The following ABLIM1 variants were observed in gnomAD, a reference collection of about 807,000 sequenced individuals.
ABLIM1 encodes the protein actin binding LIM protein 1, also known as actin-binding LIM protein 1.
ABLIM1 carries 40 observed loss-of-function variants against 107.0 expected under a neutral mutation model. That is an observed-to-expected ratio of 0.37 (90% CI 0.29 to 0.49). ABLIM1 has a LOEUF of 0.49. Among genes scored for constraint, ABLIM1 ranks in the 20% least tolerant of loss-of-function variants. ABLIM1 has a pLI of 0.97. For synonymous variants in ABLIM1, 357 were observed against 357.3 expected (o/e 1.00, Z 0.01); for missense variants, 857 against 1,008.5 (o/e 0.85, Z 2.04).
intron 2 of ABLIM1, among the ~76,000 whole-genome samples, chr10:114,599,718 C>T (rs1158515985): frequency 5.9e-5 from 9 of 151,906 alleles, no homozygotes; most frequent in African/African-American, 1.7e-4. Flanking sequence ...ACCTAGGAGG[C>T]GGAGGTTGCA....
chr10:114,642,354 A>T (rs1382834968), intron 1 of ABLIM1, among the ~76,000 whole-genome samples: 3 of 152,242 alleles, frequency 2.0e-5, no homozygotes, highest in African/African-American at 7.2e-5. Flanking sequence ...AAATGGTGAC[A>T]CAACAGGACT....
chr10:114,782,595 T>G, the ABLIM1 span, among the ~76,000 whole-genome samples: 1 of 152,258 alleles, frequency 6.6e-6, no homozygotes, highest in East Asian at 1.9e-4. Context: ...CTGAAATTTG[T>G]TTTTTAAACT....
At chr10:114,770,161 G>T (rs1268240492), upstream of ABLIM1, among the ~76,000 whole-genome samples, 1 of 152,012 alleles carries the variant, frequency 6.6e-6, no homozygotes. Flanking sequence ...GTTATTAGTG[G>T]GTCCTCACTG....
intron 1 of ABLIM1, among the ~76,000 whole-genome samples, chr10:114,736,423 A>G (rs1029447787): frequency 9.9e-5 from 15 of 152,226 alleles, no homozygotes; most frequent in Admixed American, 9.8e-4. Context: ...ATATTAAAAA[A>G]CAACAACGCT....
intron 1 of ABLIM1, among the ~76,000 whole-genome samples, chr10:114,737,197 G>A (rs756261659): frequency 9.2e-5 from 14 of 152,146 alleles, no homozygotes; most frequent in East Asian, 3.9e-4. Context: ...AATAGCATGC[G>A]CCTGTAACCC....
chr10:114,439,650 G>A, intron 20 of ABLIM1: 1 of 362,100 alleles, frequency 2.8e-6, no homozygotes, highest in Non-Finnish European at 5.1e-6. Flanking sequence ...TGAGGTTCTA[G>A]TGAGAAAGGA....
At chr10:114,679,339 AAT>A (rs67868598) in intron 1 of ABLIM1, among the ~76,000 whole-genome samples, 74,166 of 151,394 alleles carry the variant, frequency 0.49, 18,658 homozygotes, top group South Asian at 0.62. Context: ...CCAAGTTAGA[AAT>A]ATCTTAAACC....
chr10:114,781,487 G>C, the ABLIM1 span, among the ~76,000 whole-genome samples: 1 of 151,590 alleles, frequency 6.6e-6, no homozygotes, highest in Non-Finnish European at 1.5e-5. Flanking sequence ...CTGGGTGATG[G>C]AGTGAGACCC....
chr10:114,688,326 T>C (rs147294884), upstream of ABLIM1, among the ~76,000 whole-genome samples: 263 of 152,280 alleles, frequency 1.7e-3, no homozygotes, highest in Non-Finnish European at 2.5e-3. Context: ...TTCTAATTAT[T>C]CTTTTTATAT....
intron 6 of ABLIM1, among the ~76,000 whole-genome samples, chr10:114,496,863 GCT>G (rs1380764114): frequency 6.6e-6 from 1 of 152,110 alleles, no homozygotes; most frequent in African/African-American, 2.4e-5. Context: ...AGGGTCAGAT[GCT>G]CAAGACAAAG....
At chr10:114,800,425 T>C in the ABLIM1 span, among the ~76,000 whole-genome samples, 3 of 152,162 alleles carry the variant, frequency 2.0e-5, no homozygotes, top group Non-Finnish European at 4.4e-5. Context: ...TGCAATACAA[T>C]TTCCAGGAAT....
At chr10:114,555,814 A>T (rs1265424229) in intron 4 of ABLIM1, among the ~76,000 whole-genome samples, 1 of 152,180 alleles carries the variant, frequency 6.6e-6, no homozygotes, top group African/African-American at 2.4e-5. Context: ...TGTTCAAGAA[A>T]ATTCAAGCTT....
chr10:114,761,266 CA>C (rs60010820), intron 1 of ABLIM1, among the ~76,000 whole-genome samples: 10,437 of 146,100 alleles, frequency 0.071, 381 homozygotes, highest in Middle Eastern at 0.094. Flanking sequence ...AAGAAATCGG[CA>C]AAAAAAAAAA....
chr10:114,682,369 G>C (rs1285852302), intron 1 of ABLIM1, among the ~76,000 whole-genome samples: 1 of 152,186 alleles, frequency 6.6e-6, no homozygotes, highest in East Asian at 1.9e-4. Flanking sequence ...TGGATGAACA[G>C]CTGCAAGCTT....
intron 2 of ABLIM1, among the ~76,000 whole-genome samples, chr10:114,582,426 C>T (rs2073502696): frequency 6.6e-6 from 1 of 152,182 alleles, no homozygotes; most frequent in Non-Finnish European, 1.5e-5. Flanking sequence ...GTTAAAATGG[C>T]TATACTGCCC....
At chr10:114,687,006 C>G (rs913726667), upstream of ABLIM1, among the ~76,000 whole-genome samples, 1 of 152,156 alleles carries the variant, frequency 6.6e-6, no homozygotes, top group African/African-American at 2.4e-5. Context: ...TTGTGTGTTC[C>G]TTATCTTAAA....
chr10:114,616,092 G>A (rs2077114676), intron 1 of ABLIM1, among the ~76,000 whole-genome samples: 1 of 152,114 alleles, frequency 6.6e-6, no homozygotes, highest in Admixed American at 6.5e-5. Context: ...CAGCATTTTG[G>A]GAGTACAAGG....
intron 3 of ABLIM1, 105 bp downstream of exon 3, chr10:114,575,311 A>G: frequency 8.0e-7 from 1 of 1,244,912 alleles, no homozygotes; most frequent in Non-Finnish European, 1.1e-6. Flanking sequence ...GGATAAGAGT[A>G]TGTGCTACTC....
chr10:114,774,243 T>G, the ABLIM1 span, among the ~76,000 whole-genome samples: 107,487 of 152,022 alleles, frequency 0.71, 38,112 homozygotes, highest in Non-Finnish European at 0.72. Context: ...CTATTTTTAG[T>G]TATTGGACAA....
Sources: gnomAD v4.1 joint callset for allele counts (sites outside exome capture counted in the v4.1 genomes callset) on GRCh38, gnomAD v4.1.1 for gene constraint, MANE v1.5 for transcripts, NCBI Gene and HGNC (gene_info 2026-07-23, HGNC 2026-07-21) for gene names.